Variants in CPQ observed in about 807,000 individuals in gnomAD.
CPQ encodes the protein carboxypeptidase Q, also known as Ser-Met dipeptidase.
A neutral mutation model predicts 45.7 loss-of-function variants in CPQ; 37 were observed. The observed-to-expected ratio is 0.81, with a 90% CI of 0.62 to 1.07. The LOEUF is 1.07. Ranked by LOEUF, CPQ falls within the 50% of genes least tolerant of loss-of-function variation. The pLI is 0.00. For synonymous variants in CPQ, 186 were observed against 205.8 expected, an observed-to-expected ratio of 0.90 and a Z score of 0.82; for missense variants, 537 against 572.9, an observed-to-expected ratio of 0.94 and a Z score of 0.64.
chr8:96,700,564 C>T (rs1429855603), intron 1 of CPQ, among the ~76,000 whole-genome samples: 1 of 151,624 alleles, frequency 6.6e-6, no homozygotes, highest in Non-Finnish European at 1.5e-5. Flanking sequence ...AAACTGCATG[C>T]ACCTTCTGGG....
intron 7 of CPQ, among the ~76,000 whole-genome samples, chr8:97,072,025 G>A (rs923537060): frequency 6.6e-6 from 1 of 152,046 alleles, no homozygotes; most frequent in African/African-American, 2.4e-5. Context: ...TGAAGAGTGA[G>A]GAAATGTTTT....
At chr8:96,802,526 G>A (rs1265104417) in intron 2 of CPQ, among the ~76,000 whole-genome samples, 1 of 152,200 alleles carries the variant, frequency 6.6e-6, no homozygotes, top group Non-Finnish European at 1.5e-5. Context: ...CCAAGGCCTT[G>A]TGAGACTCTT....
At chr8:96,880,144 A>T (rs2130881296) in intron 4 of CPQ, 139 bp downstream of exon 4, 1 of 685,774 alleles carries the variant, frequency 1.5e-6, no homozygotes, top group South Asian at 2.1e-5. Context: ...CTTTATATAT[A>T]TTTTTTCTCA....
intron 5 of CPQ, among the ~76,000 whole-genome samples, chr8:97,013,701 A>G (rs914154900): frequency 2.0e-5 from 3 of 152,202 alleles, no homozygotes; most frequent in Non-Finnish European, 4.4e-5. Context: ...TTACATGGAA[A>G]TGAGGCTTTT....
chr8:96,868,970 A>T (rs1183551116), intron 3 of CPQ, among the ~76,000 whole-genome samples: 1 of 152,022 alleles, frequency 6.6e-6, no homozygotes, highest in Admixed American at 6.6e-5. Context: ...AAACAAATAT[A>T]CTAGAATGTA....
At chr8:96,947,156 A>C (rs1586462284) in intron 4 of CPQ, among the ~76,000 whole-genome samples, 1 of 152,210 alleles carries the variant, frequency 6.6e-6, no homozygotes, top group East Asian at 1.9e-4. Flanking sequence ...AATATCATTC[A>C]ATGGGTTTCT....
chr8:97,023,030 A>T (rs565144445), intron 5 of CPQ, among the ~76,000 whole-genome samples: 8 of 140,606 alleles, frequency 5.7e-5, no homozygotes, highest in East Asian at 4.0e-4. Flanking sequence ...ATATATATAC[A>T]GTATATATAC....
At chr8:96,847,725 A>C (rs1253368870) in intron 3 of CPQ, among the ~76,000 whole-genome samples, 1 of 152,154 alleles carries the variant, frequency 6.6e-6, no homozygotes, top group Non-Finnish European at 1.5e-5. Context: ...TAGAATATGC[A>C]AATAAAGATC....
At chr8:96,916,154 C>T (rs1035884519) in intron 4 of CPQ, among the ~76,000 whole-genome samples, 10 of 152,152 alleles carry the variant, frequency 6.6e-5, no homozygotes, top group Admixed American at 3.9e-4. Context: ...TGCGAGTTGA[C>T]GCATATCTTG....
chr8:96,652,726 G>A (rs967853915), intron 1 of CPQ, among the ~76,000 whole-genome samples: 5 of 152,036 alleles, frequency 3.3e-5, no homozygotes, highest in Non-Finnish European at 5.9e-5. Flanking sequence ...TCCGCCTCCC[G>A]GGTTCACGCC....
At chr8:97,033,420 G>A (rs1159279664) in intron 6 of CPQ, among the ~76,000 whole-genome samples, 2 of 152,072 alleles carry the variant, frequency 1.3e-5, no homozygotes, top group Non-Finnish European at 2.9e-5. Flanking sequence ...AACTATCTGG[G>A]TCTTTACAGA....
At chr8:96,690,642 T>C (rs549001714) in intron 1 of CPQ, among the ~76,000 whole-genome samples, 21 of 152,336 alleles carry the variant, frequency 1.4e-4, no homozygotes, top group South Asian at 2.1e-4. Context: ...TAGTTTCTTT[T>C]GACATCTTCT....
chr8:96,995,274 A>C (rs1450803663), intron 5 of CPQ, among the ~76,000 whole-genome samples: 2 of 152,124 alleles, frequency 1.3e-5, no homozygotes, highest in Non-Finnish European at 2.9e-5. Flanking sequence ...AAGAGGGCCT[A>C]AAATATAGTA....
intron 6 of CPQ, among the ~76,000 whole-genome samples, chr8:97,053,857 T>G (rs904687990): frequency 2.0e-5 from 3 of 152,152 alleles, no homozygotes; most frequent in African/African-American, 7.2e-5. Context: ...GTGGAAGGCA[T>G]AGCAAGTTGT....
chr8:96,793,309 T>C (rs550592851), intron 2 of CPQ, among the ~76,000 whole-genome samples: 10 of 152,242 alleles, frequency 6.6e-5, no homozygotes, highest in Non-Finnish European at 1.5e-4. Flanking sequence ...AGACTTACAG[T>C]TCCACGTGGC....
chr8:96,802,556 T>G (rs75606104), intron 2 of CPQ, among the ~76,000 whole-genome samples: 13,679 of 152,252 alleles, frequency 0.09, 827 homozygotes, highest in African/African-American at 0.17. Flanking sequence ...GATTTTCTTT[T>G]CCTTGAAAAA....
chr8:96,833,466 A>G (rs1811486166), intron 2 of CPQ, among the ~76,000 whole-genome samples: 1 of 152,166 alleles, frequency 6.6e-6, no homozygotes, highest in South Asian at 2.1e-4. Context: ...TTGTTGCGAC[A>G]TCCCTTGAGT....
chr8:96,879,651 G>A (rs910940416), intron 3 of CPQ, 147 bp from the exon 4 acceptor site: 1 of 598,640 alleles, frequency 1.7e-6, no homozygotes, highest in African/African-American at 1.9e-5. Context: ...CACATCAAAA[G>A]CAAGTAAATC....
At chr8:96,870,461 A>C (rs1388998319) in intron 3 of CPQ, among the ~76,000 whole-genome samples, 3 of 152,002 alleles carry the variant, frequency 2.0e-5, no homozygotes, top group Admixed American at 2.0e-4. Context: ...TACTAATAGT[A>C]ATCATCATCA....
Sources: allele counts gnomAD v4.1 joint callset (sites outside exome capture counted in the v4.1 genomes callset), GRCh38; gene constraint gnomAD v4.1.1; transcripts MANE v1.5; gene names NCBI Gene and HGNC (gene_info 2026-07-23, HGNC 2026-07-21).